Variants in COMMD10 observed in about 807,000 individuals in gnomAD.
The protein encoded by COMMD10 is COMM domain containing 10.
In COMMD10, 33 loss-of-function variants were observed where a neutral mutation model predicts 28.9. That is an observed-to-expected ratio of 1.14 (90% CI 0.87 to 1.53). The LOEUF (loss-of-function observed/expected upper bound fraction) is 1.53. Ranked by LOEUF, COMMD10 falls within the 40% of genes most tolerant of loss-of-function variation. COMMD10 has a pLI of 0.00. For synonymous variants in COMMD10, 110 were observed against 81.7 expected (o/e 1.35, Z -1.87); for missense variants, 310 against 233.4 (o/e 1.33, Z -2.14).
At chr5:116,115,646 GA>G (rs1266089676) in intron 4 of COMMD10, among the ~76,000 whole-genome samples, 1 of 152,058 alleles carries the variant, frequency 6.6e-6, no homozygotes, top group Non-Finnish European at 1.5e-5. Context: ...ATTCTTTTCA[GA>G]CAGAAATTGA....
rs116153370 is a variant in COMMD10 at position 116,165,527 on chromosome 5, G to C, written c.510+31349G>C. Among the ~76,000 whole-genome samples, 1,459 of 152,094 alleles carry C rather than the reference G, an allele frequency of 9.6e-3. 22 individuals are homozygous for C. The highest frequency in any genetic ancestry group is 0.033 in the African/African-American group (1,362 of 41,522). On this transcript the variant is annotated intron_variant, in intron 5 of 6. Transcript: ENST00000274458. Reference sequence around the variant, plus strand: ...AAGGTCTTGGCAAATTTGGTTTCTGGTGAGGGCTGTCTTTCTAGCTTGTAG... The same window carrying C: ...AAGGTCTTGGCAAATTTGGTTTCTGCTGAGGGCTGTCTTTCTAGCTTGTAG...
At chr5:116,117,078 GATTC>G (rs940530728) in intron 4 of COMMD10, among the ~76,000 whole-genome samples, 13 of 151,970 alleles carry the variant, frequency 8.6e-5, no homozygotes, top group Admixed American at 2.6e-4. Flanking sequence ...TAATTTTTTT[GATTC>G]ATTCATATTA....
chr5:116,270,997 G>A (rs903406169), intron 5 of COMMD10, among the ~76,000 whole-genome samples: 1 of 151,564 alleles, frequency 6.6e-6, no homozygotes, highest in Non-Finnish European at 1.5e-5. Context: ...AACAATCTCA[G>A]TATAACTTGG....
intron 5 of COMMD10, among the ~76,000 whole-genome samples, chr5:116,227,102 A>G (rs770717564): frequency 2.6e-5 from 4 of 151,996 alleles, no homozygotes; most frequent in Admixed American, 2.0e-4. Flanking sequence ...GTCTGTATCT[A>G]TCTGTGCTAT....
chr5:116,215,811 T>A (rs890582418), intron 5 of COMMD10, among the ~76,000 whole-genome samples: 9 of 150,466 alleles, frequency 6.0e-5, no homozygotes, highest in African/African-American at 2.2e-4. Context: ...TTTATACTTT[T>A]AATATGTTCT....
intron 5 of COMMD10, among the ~76,000 whole-genome samples, chr5:116,251,525 G>A (rs1000564670): frequency 1.4e-5 from 2 of 147,718 alleles, no homozygotes; most frequent in African/African-American, 5.0e-5. Context: ...TCCCACCTAT[G>A]AGTGAGAATA....
intron 4 of COMMD10, among the ~76,000 whole-genome samples, chr5:116,100,520 T>C (rs1267768191): frequency 1.4e-5 from 2 of 141,176 alleles, no homozygotes. Flanking sequence ...TCCAGTTCCT[T>C]TTTTTTTTTT....
chr5:116,166,546 G>A (rs1753106126), intron 5 of COMMD10, among the ~76,000 whole-genome samples: 4 of 152,180 alleles, frequency 2.6e-5, no homozygotes, highest in Admixed American at 2.6e-4. Context: ...CCTCCTGATG[G>A]GGTGACACCT....
intron 5 of COMMD10, among the ~76,000 whole-genome samples, chr5:116,284,654 A>T (rs1215595198): frequency 6.6e-6 from 1 of 151,934 alleles, no homozygotes; most frequent in East Asian, 1.9e-4. Context: ...AAACTACTTT[A>T]ACCAGGAGTT....
At chr5:116,285,302 A>G (rs1221393923) in intron 5 of COMMD10, among the ~76,000 whole-genome samples, 2 of 152,122 alleles carry the variant, frequency 1.3e-5, no homozygotes, top group East Asian at 3.9e-4. Flanking sequence ...AGACAGATTT[A>G]AATTTAAAAT....
At chr5:116,193,705 A>G (rs1219690915) in intron 5 of COMMD10, among the ~76,000 whole-genome samples, 2 of 152,126 alleles carry the variant, frequency 1.3e-5, no homozygotes, top group Non-Finnish European at 2.9e-5. Flanking sequence ...TGAGATAGAC[A>G]GCAACATGAT....
At position 116,241,913 on chromosome 5, in the gene COMMD10, A is replaced by C. The variant is rs529964181; in HGVS notation, c.511-49604A>C. ...ATTACAGGCGTGAGCCACCACGCCC[A>C]GCCAATTTGTCTTTTAGTTAGCCTG... On this transcript the variant is annotated intron_variant, in intron 5 of 6. Transcript: ENST00000274458. Among the ~76,000 whole-genome samples, 237 of 152,210 alleles carry C rather than the reference A, an allele frequency of 1.6e-3. 2 individuals are homozygous for C. The highest frequency in any genetic ancestry group is 5.3e-3 in the African/African-American group (221 of 41,538).
chr5:116,262,837 A>G (rs1237422261), intron 5 of COMMD10, among the ~76,000 whole-genome samples: 1 of 151,848 alleles, frequency 6.6e-6, no homozygotes, highest in Non-Finnish European at 1.5e-5. Context: ...ATATGTTACA[A>G]TCTGGTATTT....
chr5:116,204,115 A>C (rs1037278490), intron 5 of COMMD10, among the ~76,000 whole-genome samples: 13 of 152,102 alleles, frequency 8.5e-5, no homozygotes, highest in Non-Finnish European at 1.9e-4. Flanking sequence ...ACAGACTTTA[A>C]ACCAACAAAG....
chr5:116,259,990 G>C (rs1326551186), intron 5 of COMMD10, among the ~76,000 whole-genome samples: 1 of 151,646 alleles, frequency 6.6e-6, no homozygotes, highest in African/African-American at 2.4e-5. Context: ...ATTTGTGTTT[G>C]TTTACAGAGC....
rs186485769 is a variant in COMMD10 at position 116,271,773 on chromosome 5, C to T, written c.511-19744C>T. ...TTTAAGTCAGACCCTGCTTAAATGT[C>T]TAAAAGGAAACTCTTAGGCCATTAT... is the stretch of plus-strand genomic sequence containing the variant. On this transcript the variant is annotated intron_variant, in intron 5 of 6. Coordinates refer to ENST00000274458, the MANE Select transcript of COMMD10 (RefSeq NM_016144.4). Among the ~76,000 whole-genome samples, 737 of 151,980 alleles carry T rather than the reference C, an allele frequency of 4.8e-3. 18 individuals are homozygous for T. Among genetic ancestry groups the T allele is most frequent in the African/African-American group, 0.015 (627 of 41,306 alleles).
chr5:116,291,456 G>A (rs1039154329), intron 5 of COMMD10, 61 bp from the exon 6 acceptor site: 2 of 1,187,678 alleles, frequency 1.7e-6, no homozygotes, highest in Non-Finnish European at 2.5e-6. Flanking sequence ...TAGCTGGAGA[G>A]AAAAAATGTG....
chr5:116,198,024 C>T (rs1468064217), intron 5 of COMMD10, among the ~76,000 whole-genome samples: 3 of 152,122 alleles, frequency 2.0e-5, no homozygotes, highest in African/African-American at 4.8e-5. Flanking sequence ...CATATGCAGT[C>T]TTGATTATTT....
At chr5:116,226,131 A>G (rs1749388616) in intron 5 of COMMD10, among the ~76,000 whole-genome samples, 1 of 151,994 alleles carries the variant, frequency 6.6e-6, no homozygotes, top group Non-Finnish European at 1.5e-5. Flanking sequence ...TTTCAAAATA[A>G]AACTCTCTTC....
Sources: allele counts gnomAD v4.1 joint callset (sites outside exome capture counted in the v4.1 genomes callset), GRCh38; gene constraint gnomAD v4.1.1; transcripts MANE v1.5; gene names NCBI Gene and HGNC (gene_info 2026-07-23, HGNC 2026-07-21).